The following IFT22 variants were observed in gnomAD, a reference collection of about 807,000 sequenced individuals.
The protein encoded by IFT22 is intraflagellar transport protein 22 homolog.
In IFT22, 13 loss-of-function variants were observed where a neutral mutation model predicts 21.0. That is an observed-to-expected ratio of 0.62 (90% confidence interval 0.40 to 0.98). The LOEUF (loss-of-function observed/expected upper bound fraction) is 0.98, where lower values mean the gene tolerates loss of function less well. Among genes scored for constraint, IFT22 ranks in the 50% least tolerant of loss-of-function variants. The pLI is 0.00. For missense variants in IFT22, 227 were observed against 228.9 expected, an observed-to-expected ratio of 0.99 and a Z score of 0.06; for synonymous variants, 67 against 82.4, an observed-to-expected ratio of 0.81 and a Z score of 1.01.
intron 3 of IFT22, 93 bp from the exon 4 acceptor site, chr7:101,316,635 T>C: frequency 7.4e-7 from 1 of 1,343,826 alleles, no homozygotes; most frequent in East Asian, 2.4e-5. Flanking sequence ...TAAAAGTTGG[T>C]CTATGACGGC....
chr7:101,321,455 G>C (rs1038088252), intron 1 of IFT22: 2 of 559,282 alleles, frequency 3.6e-6, no homozygotes, highest in Non-Finnish European at 6.3e-6. Flanking sequence ...ATTAACACCG[G>C]GCTCGCCTCC....
intron 1 of IFT22, 64 bp downstream of exon 1, chr7:101,321,607 C>A: frequency 6.6e-7 from 1 of 1,526,358 alleles, no homozygotes; most frequent in Non-Finnish European, 8.9e-7. Flanking sequence ...GGGTGGGGAC[C>A]TGCGCTCGCC....
chr7:101,320,638 C>T (rs1189937819), intron 1 of IFT22, among the ~76,000 whole-genome samples: 1 of 142,644 alleles, frequency 7.0e-6, no homozygotes, highest in African/African-American at 2.6e-5. Context: ...GTGAAGTATA[C>T]ATGTAGATGT....
rs36079227 is a variant in IFT22, at chr7:101,313,560, G to A, written c.*1574C>T. The A allele has an allele frequency of 2.0e-5, 3 of 151,788 alleles. No individual in the cohort carries two copies. The highest frequency in any genetic ancestry group is 4.4e-5 in the Non-Finnish European group (3 of 68,020). The allele number at this position is 151,788 out of a possible 1,614,324, so 9.4% of individuals were successfully genotyped here. On this transcript the variant is annotated 3_prime_UTR_variant, in exon 5 of 5. Coordinates refer to ENST00000315322, the MANE Select transcript of IFT22 (RefSeq NM_022777.4). ...GTTGGCCAGGATGGTCTCGATCTCT[G>A]GACCTTGTGATCCGCCTGCCTCGGC... is the stretch of plus-strand genomic sequence containing the variant.
In IFT22 at chr7:101,312,533, G is replaced by GTTTTTTTT. The variant is rs386410832; in HGVS notation, c.*2593_*2600dup. Among the ~76,000 whole-genome samples, 29 of 114,620 alleles carry GTTTTTTTT rather than the reference G, an allele frequency of 2.5e-4. No homozygotes were observed. The highest frequency in any genetic ancestry group is 4.9e-3 in the Middle Eastern group (1 of 206). The allele number at this position is 114,620 out of a possible 152,430, so 75.2% of individuals were successfully genotyped here. A position where few individuals can be genotyped will look rare whatever the true frequency, so the allele number is the denominator to read the frequency against. Reference sequence around the variant, plus strand: ...TAAATATAATGTTTTGGAGAGAGTTGTTTTTTTTTTTTTTTTTTTTGTGAC... The same window carrying GTTTTTTTT: ...TAAATATAATGTTTTGGAGAGAGTTGTTTTTTTTTTTTTTTTTTTTTTTTTTTTGTGAC... On this transcript the variant is annotated 3_prime_UTR_variant, in exon 5 of 5. Transcript: ENST00000315322.
intron 1 of IFT22, chr7:101,321,340 C>T: frequency 2.9e-6 from 1 of 350,636 alleles, no homozygotes; most frequent in Non-Finnish European, 5.2e-6. Flanking sequence ...AAGTCCAGAC[C>T]CACAGACGCA....
intron 1 of IFT22, 62 bp from the exon 2 acceptor site, chr7:101,319,094 G>T: frequency 1.3e-6 from 2 of 1,556,056 alleles, no homozygotes; most frequent in South Asian, 1.1e-5. Context: ...CCAAAAAAAT[G>T]ACCCCAAGAG....
intron 1 of IFT22, among the ~76,000 whole-genome samples, chr7:101,320,558 CTTTTTT>C (rs397889268): frequency 2.0e-5 from 2 of 101,634 alleles, no homozygotes; most frequent in South Asian, 6.9e-4. Flanking sequence ...CGCGCCCGGC[CTTTTTT>C]TTTTTTTTTT....
At chr7:101,315,498 C>A in intron 4 of IFT22, 1 of 584,170 alleles carries the variant, frequency 1.7e-6, no homozygotes, top group Non-Finnish European at 3.0e-6. Context: ...GTTCTTAAAC[C>A]AGAAAGGAAT....
chr7:101,313,788 G>A lies in IFT22; in HGVS notation c.*1346C>T, dbSNP rs1420212413. On this transcript the variant is annotated 3_prime_UTR_variant, in exon 5 of 5. Coordinates refer to ENST00000315322, the MANE Select transcript of IFT22 (RefSeq NM_022777.4). ...AGTATACGTTCATTTGGCATTTTAAGTACCCCAGGTTCCCTCATTATCTGA... is the reference window on the plus strand; with the variant it reads ...AGTATACGTTCATTTGGCATTTTAAATACCCCAGGTTCCCTCATTATCTGA... The A allele has an allele frequency of 6.6e-6, 1 of 152,214 alleles. No homozygotes were observed. The highest frequency in any genetic ancestry group is 2.4e-5 in the African/African-American group (1 of 41,452). The allele number at this position is 152,214 out of a possible 1,614,324, so 9.4% of individuals were successfully genotyped here. A position where few individuals can be genotyped will look rare whatever the true frequency, so the allele number is the denominator to read the frequency against.
At position 101,310,953 on chromosome 7, in the gene IFT22, C is replaced by T. The variant is rs376924392; in HGVS notation, c.*4181G>A. 30 of 336,872 alleles carry T rather than the reference C, an allele frequency of 8.9e-5. No individual in the cohort carries two copies. The East Asian group carries it at 1.7e-3, about 19-fold the overall frequency. The allele number at this position is 336,872 out of a possible 1,614,324, so 20.9% of individuals were successfully genotyped here. On this transcript the variant is annotated 3_prime_UTR_variant, in exon 5 of 5. Transcript: ENST00000315322. ...CAATTCAAATATTTAATGGGTTGTA[C>T]TCTGGCCATTCAGGTGAACAAAATC...
chr7:101,321,386 C>A, intron 1 of IFT22: 1 of 465,672 alleles, frequency 2.1e-6, no homozygotes, highest in South Asian at 3.2e-5. Context: ...AAGAAAGAGT[C>A]ACGAAACCTA....
In IFT22 at chr7:101,314,081, T is replaced by A. The variant is rs1790058869; in HGVS notation, c.*1053A>T. The A allele has an allele frequency of 6.6e-6, 1 of 152,240 alleles. No individual in the cohort carries two copies. Among genetic ancestry groups the A allele is most frequent in the Non-Finnish European group, 1.5e-5 (1 of 68,162 alleles). 9.4% of individuals were successfully genotyped at this position (152,240 alleles called of 1,614,324 possible). A position where few individuals can be genotyped will look rare whatever the true frequency, so the allele number is the denominator to read the frequency against. On this transcript the variant is annotated 3_prime_UTR_variant, in exon 5 of 5. Transcript: ENST00000315322. Reference sequence around the variant, plus strand: ...CATGTTGGCCAGGCTGGTCTTGAACTCCTGGCCTCAAGTGATCCGCCTGCC... The same window carrying A: ...CATGTTGGCCAGGCTGGTCTTGAACACCTGGCCTCAAGTGATCCGCCTGCC...
rs1293945129 is a variant in IFT22 at position 101,314,493 on chromosome 7, T to A, written c.*641A>T. 2.0e-5 allele frequency: 3 copies of A among 152,232 alleles called. No individual in the cohort carries two copies. The highest frequency in any genetic ancestry group is 7.2e-5 in the African/African-American group (3 of 41,458). 9.4% of individuals were successfully genotyped at this position (152,232 alleles called of 1,614,324 possible). A position where few individuals can be genotyped will look rare whatever the true frequency, so the allele number is the denominator to read the frequency against. On this transcript the variant is annotated 3_prime_UTR_variant, in exon 5 of 5. Coordinates refer to ENST00000315322, the MANE Select transcript of IFT22 (RefSeq NM_022777.4). ...GAGAATGAAGAATGCGTTTTGATTT[T>A]CTTTTTTGCATATCCAAGACATTGC...
intron 2 of IFT22, 57 bp from the exon 3 acceptor site, chr7:101,318,270 A>C: frequency 3.4e-5 from 47 of 1,397,116 alleles, no homozygotes; most frequent in Middle Eastern, 1.8e-4. Context: ...CTGTAATCTC[A>C]GCAGTCTGGG....
chr7:101,321,543 G>C, intron 1 of IFT22, 128 bp downstream of exon 1: 1 of 927,048 alleles, frequency 1.1e-6, no homozygotes, highest in South Asian at 1.7e-5. Context: ...CGCCAGTCGG[G>C]ATGGGCGCGG....
intron 3 of IFT22, among the ~76,000 whole-genome samples, chr7:101,316,792 T>A (rs1790170133): frequency 6.6e-6 from 1 of 151,952 alleles, no homozygotes; most frequent in Non-Finnish European, 1.5e-5. Context: ...AGTGTGGTTG[T>A]GGGCACCTAT....
Position 101,315,198 on chromosome 7 carries a change from A to C in IFT22, c.494T>G (p.Leu165Ter). 6.2e-7 allele frequency: 1 copy of C among 1,613,952 alleles called. No homozygotes were observed. The highest frequency in any genetic ancestry group is 8.5e-7 in the Non-Finnish European group (1 of 1,179,948). Residue 165 changes from leucine to a stop codon, truncating the protein, a stop_gained, in exon 5 of 5, where the codon TTA becomes TGA. Coordinates refer to ENST00000315322, the MANE Select transcript of IFT22 (RefSeq NM_022777.4). LOFTEE classifies it high-confidence loss of function. ...AGACATGGAGTTGATTATGCTTTTT[A>C]AATACTTTATGAATTCCATCCGGAT... is the stretch of plus-strand genomic sequence containing the variant. ...EEIRMEFIKY[L>*]KSIINSMSES...
chr7:101,316,523 C>G lies in IFT22; in HGVS notation c.226G>C (p.Ala76Pro). 6.2e-7 allele frequency: 1 copy of G among 1,614,118 alleles called. No homozygotes were observed. The highest frequency in any genetic ancestry group is 8.5e-7 in the Non-Finnish European group (1 of 1,180,024). Residue 76 changes from alanine to proline, a missense_variant, in exon 4 of 5, where the codon GCC becomes CCC. Physicochemically the swap from Ala to Pro is conservative, Grantham distance 27. Transcript: ENST00000315322. ...GDAKFESCWPALMKDAHGVVI... is the reference protein window; with the variant it reads ...GDAKFESCWPPLMKDAHGVVI... Reference sequence around the variant, plus strand: ...ACTCCATGAGCATCCTTCATCAGGGCCGGCCAGCAGGACTCAAACCTGCGA... The same window carrying G: ...ACTCCATGAGCATCCTTCATCAGGGGCGGCCAGCAGGACTCAAACCTGCGA...
Sources: allele counts gnomAD v4.1 joint callset (sites outside exome capture counted in the v4.1 genomes callset), GRCh38; gene constraint gnomAD v4.1.1; transcripts MANE v1.5; gene names NCBI Gene and HGNC (gene_info 2026-07-23, HGNC 2026-07-21).